Variants in TREM2 observed in about 807,000 individuals in gnomAD.
TREM2 encodes the protein triggering receptor expressed on myeloid cells 2, also known as triggering receptor expressed on monocytes 2.
TREM2 carries 20 observed loss-of-function variants against 22.9 expected under a neutral mutation model. The ratio of observed to expected loss-of-function variants is 0.87; its 90% CI spans 0.61 to 1.27. The LOEUF (loss-of-function observed/expected upper bound fraction) is 1.27, where lower values mean the gene tolerates loss of function less well. Ranked by LOEUF, TREM2 falls within the 50% of genes most tolerant of loss-of-function variation. TREM2 has a pLI of 0.00. For synonymous variants in TREM2, 111 were observed against 120.9 expected (o/e 0.92, Z 0.54); for missense variants, 267 against 289.0 (o/e 0.92, Z 0.55).
chr6:41,160,757 A>G (rs539590867), intron 2 of TREM2, among the ~76,000 whole-genome samples: 1 of 152,330 alleles, frequency 6.6e-6, no homozygotes, highest in South Asian at 2.1e-4. Flanking sequence ...ATGGAGGCCC[A>G]GAGAAGTGAA....
rs1481362229 is a variant in TREM2, at chr6:41,161,619, G to T, written c.41-6C>A. ...GTTGTGGGCTCCGGACAGCTCTGGG[G>T]AGGAGACATTCATTCACTCCTTTGT... On this transcript the variant is annotated splice_polypyrimidine_tract_variant and splice_region_variant and intron_variant, in intron 1 of 4. Coordinates refer to ENST00000373113, the MANE Select transcript of TREM2 (RefSeq NM_018965.4). The T allele has an allele frequency of 6.2e-7, 1 of 1,610,184 alleles. No homozygotes were observed. Among genetic ancestry groups the T allele is most frequent in the South Asian group, 1.1e-5 (1 of 90,606 alleles).
Position 41,159,112 on chromosome 6 carries a change from G to T in TREM2, c.483-46C>A, listed in dbSNP as rs753168472. 7.0e-6 allele frequency: 11 copies of T among 1,578,312 alleles called. No homozygotes were observed. In the South Asian group the frequency reaches 1.3e-4, roughly 18 times the overall value. ...GATGGGAGCCTTGAGATGGCCTACA[G>T]ATTAGAATCTTCTCTCAGGGAATGG... On this transcript the variant is annotated intron_variant, in intron 3 of 4. Coordinates refer to ENST00000373113, the MANE Select transcript of TREM2 (RefSeq NM_018965.4).
chr6:41,162,947 G>A (rs1765604618), intron 1 of TREM2, 96 bp downstream of exon 1: 18 of 1,542,852 alleles, frequency 1.2e-5, no homozygotes, highest in Non-Finnish European at 1.5e-5. Flanking sequence ...GACTGCCACC[G>A]CCTTCATAAT....
Position 41,158,512 on chromosome 6 carries a change from G to T in TREM2, c.*252C>A. On this transcript the variant is annotated 3_prime_UTR_variant, in exon 5 of 5. Transcript: ENST00000373113. ...CTTTCATGATGCCCAAAACTATCCA[G>T]CTAAATATGACAGTCTTGGATTTAT... 1 of 1,314,702 alleles carries T rather than the reference G, an allele frequency of 7.6e-7. No homozygotes were observed. Among genetic ancestry groups the T allele is most frequent in the Non-Finnish European group, 1.0e-6 (1 of 968,396 alleles). 81.4% of individuals were successfully genotyped at this position (1,314,702 alleles called of 1,614,324 possible).
Position 41,158,704 on chromosome 6 carries a change from T to G in TREM2, c.*60A>C. ...AGTCCTGGTGGCCAAGTGGCAAGTA[T>G]GCAGGCTGGGCTGGTCCCTGGTGGG... On this transcript the variant is annotated 3_prime_UTR_variant, in exon 5 of 5. Coordinates refer to ENST00000373113, the MANE Select transcript of TREM2 (RefSeq NM_018965.4). 6.2e-7 allele frequency: 1 copy of G among 1,614,156 alleles called. No individual in the cohort carries two copies. The highest frequency in any genetic ancestry group is 8.5e-7 in the Non-Finnish European group (1 of 1,180,036).
chr6:41,159,016 A>C lies in TREM2; in HGVS notation c.533T>G (p.Leu178Arg), dbSNP rs757387879. Residue 178 changes from leucine to arginine, a missense_variant, in exon 4 of 5, where the codon CTC becomes CGC. Leu to Arg is a moderately radical substitution (Grantham distance 102). Coordinates refer to ENST00000373113, the MANE Select transcript of TREM2 (RefSeq NM_018965.4). ...CTTGATGAGAAAGATGCAGGCCAGG[A>C]GGAGAAGGATGGAAGTGGGTGGGAA... ...IPFPPTSILL[L>R]LACIFLIKIL... 3.1e-6 allele frequency: 5 copies of C among 1,614,150 alleles called. No homozygotes were observed. In the South Asian group the frequency reaches 4.4e-5, roughly 14 times the overall value.
chr6:41,160,357 C>T (rs553142056), intron 2 of TREM2, among the ~76,000 whole-genome samples: 1 of 152,072 alleles, frequency 6.6e-6, no homozygotes, highest in African/African-American at 2.4e-5. Flanking sequence ...CTGGCAGTCT[C>T]CCCTGGCCTC....
In TREM2 at chr6:41,161,609, C is replaced by G; in HGVS notation, c.45G>C (p.Leu15=). The change falls in exon 2 of 5, where the codon CTG becomes CTC. Residue 15 remains leucine (L), a synonymous_variant. Coordinates refer to ENST00000373113, the MANE Select transcript of TREM2 (RefSeq NM_018965.4). ...ACACTGTGGTGTTGTGGGCTCCGGA[C>G]AGCTCTGGGGAGGAGACATTCATTC... ...RLLILLFVTE[L]SGAHNTTVFQ... is the part of the protein sequence containing the mutation. 1 of 1,612,982 alleles carries G rather than the reference C, an allele frequency of 6.2e-7. No homozygotes were observed. Among genetic ancestry groups the G allele is most frequent in the Non-Finnish European group, 8.5e-7 (1 of 1,179,542 alleles).
At chr6:41,162,321 G>A (rs61163257) in intron 1 of TREM2, among the ~76,000 whole-genome samples, 5,480 of 152,216 alleles carry the variant, frequency 0.036, 318 homozygotes, top group African/African-American at 0.12. Flanking sequence ...CAGATGGGCC[G>A]TGGCCCTCTC....
intron 1 of TREM2, among the ~76,000 whole-genome samples, chr6:41,162,040 T>G (rs1358423296): frequency 6.6e-6 from 1 of 152,218 alleles, no homozygotes; most frequent in Non-Finnish European, 1.5e-5. Flanking sequence ...AACTTCCAGC[T>G]TCCCTATTTC....
At chr6:41,161,135 G>A in intron 2 of TREM2, 128 bp downstream of exon 2, 1 of 867,354 alleles carries the variant, frequency 1.2e-6, no homozygotes, top group Non-Finnish European at 1.8e-6. Context: ...CCCTGAGTAG[G>A]GAGATGAGAC....
At chr6:41,159,747 G>T in intron 3 of TREM2, 45 bp downstream of exon 3, 1 of 1,576,278 alleles carries the variant, frequency 6.3e-7, no homozygotes, top group Non-Finnish European at 8.7e-7. Context: ...GGCTCTGCAG[G>T]GTGGAAGTCT....
chr6:41,162,528 C>A (rs1765594096), intron 1 of TREM2, among the ~76,000 whole-genome samples: 1 of 152,162 alleles, frequency 6.6e-6, no homozygotes, highest in Non-Finnish European at 1.5e-5. Context: ...GTGTCAATTC[C>A]CCTCAACTCA....
Position 41,161,544 on chromosome 6 carries a change from G to A in TREM2, c.110C>T (p.Pro37Leu). The A allele has an allele frequency of 6.2e-7, 1 of 1,614,182 alleles. No individual in the cohort carries two copies. The highest frequency in any genetic ancestry group is 8.5e-7 in the Non-Finnish European group (1 of 1,180,036). Reference sequence around the variant, plus strand: ...CCCCCAGTGCTTCATGGAGTCATAGGGGCAAGACACCTGCAGGGACTGGCC... The same window carrying A: ...CCCCCAGTGCTTCATGGAGTCATAGAGGCAAGACACCTGCAGGGACTGGCC... ...VAGQSLQVSCPYDSMKHWGRR... is the reference protein window; with the variant it reads ...VAGQSLQVSCLYDSMKHWGRR... Residue 37 changes from proline to leucine, a missense_variant, in exon 2 of 5, where the codon CCC (proline) becomes CTC (leucine). Coordinates refer to ENST00000373113, the MANE Select transcript of TREM2 (RefSeq NM_018965.4).
rs995126756 is a variant in TREM2 at position 41,161,251 on chromosome 6, C to T, written c.391+12G>A. The T allele has an allele frequency of 1.9e-6, 3 of 1,612,004 alleles. No homozygotes were observed. The highest frequency in any genetic ancestry group is 2.2e-5 in the East Asian group (1 of 44,868). On this transcript the variant is annotated intron_variant, in intron 2 of 4. Transcript: ENST00000373113. ...CAGGGGCAGGCCAGAGAGGCAGCCACTGCCCACTCACCTGCCAGCACCTCC... is the reference window on the plus strand; with the variant it reads ...CAGGGGCAGGCCAGAGAGGCAGCCATTGCCCACTCACCTGCCAGCACCTCC...
chr6:41,161,631 A>G lies in TREM2; in HGVS notation c.41-18T>C, dbSNP rs1457524383. The stretch of plus-strand genomic sequence containing the variant: ...GGACAGCTCTGGGGAGGAGACATTC[A>G]TTCACTCCTTTGTTTACCAAATACG... On this transcript the variant is annotated intron_variant, in intron 1 of 4. Coordinates refer to ENST00000373113, the MANE Select transcript of TREM2 (RefSeq NM_018965.4). 5 of 1,599,802 alleles carry G rather than the reference A, an allele frequency of 3.1e-6. No individual in the cohort carries two copies. In the African/African-American group the frequency reaches 5.4e-5, roughly 17 times the overall value.
In TREM2 at chr6:41,158,787, T is replaced by C. The variant is rs1765482650; in HGVS notation, c.677-7A>G. 2.5e-6 allele frequency: 4 copies of C among 1,614,232 alleles called. No homozygotes were observed. The highest frequency in any genetic ancestry group is 3.4e-6 in the Non-Finnish European group (4 of 1,180,042). Reference sequence around the variant, plus strand: ...CTTCACGTGTCTCTCAGCCCTGCAATAGTCCAAGGACTCATGTGGCCCCTC... The same window carrying C: ...CTTCACGTGTCTCTCAGCCCTGCAACAGTCCAAGGACTCATGTGGCCCCTC... On this transcript the variant is annotated splice_region_variant and splice_polypyrimidine_tract_variant and intron_variant, in intron 4 of 4. Coordinates refer to ENST00000373113, the MANE Select transcript of TREM2 (RefSeq NM_018965.4).
At chr6:41,159,136 G>A (rs1292205517) in intron 3 of TREM2, 70 bp from the exon 4 acceptor site, 6 of 1,544,950 alleles carry the variant, frequency 3.9e-6, no homozygotes, top group South Asian at 1.2e-5. Context: ...CTCAGGGAAT[G>A]GGGAGAAACC....
intron 2 of TREM2, 67 bp from the exon 3 acceptor site, chr6:41,159,949 G>A (rs565823447): frequency 5.0e-6 from 7 of 1,405,520 alleles, no homozygotes; most frequent in South Asian, 2.4e-5. Context: ...ACCTTGGCGG[G>A]AGAACCTTTA....
Sources: gnomAD v4.1 joint callset for allele counts (sites outside exome capture counted in the v4.1 genomes callset) on GRCh38, gnomAD v4.1.1 for gene constraint, MANE v1.5 for transcripts, NCBI Gene and HGNC (gene_info 2026-07-23, HGNC 2026-07-21) for gene names.